Variants in RBFOX2 observed in about 807,000 individuals in gnomAD.
RBFOX2 encodes the protein RNA binding fox-1 homolog 2.
In RBFOX2, 10 loss-of-function variants were observed where a neutral mutation model predicts 49.1. That is an observed-to-expected ratio of 0.20 (90% CI 0.13 to 0.35). The LOEUF is 0.35. RBFOX2 is among the 10% of genes least tolerant of loss of function. The pLI, the probability that RBFOX2 is intolerant of heterozygous loss-of-function variation, is 1.00. For missense variants in RBFOX2, 323 were observed against 486.9 expected (o/e 0.66, Z 3.17); for synonymous variants, 183 against 187.4 (o/e 0.98, Z 0.19).
At chr22:35,826,933 T>TC (rs937849702) in intron 1 of RBFOX2, among the ~76,000 whole-genome samples, 33 of 152,340 alleles carry the variant, frequency 2.2e-4, no homozygotes, top group African/African-American at 7.7e-4. Flanking sequence ...CTATGGTTGA[T>TC]CATGGGTAAT....
upstream of RBFOX2, among the ~76,000 whole-genome samples, chr22:35,963,323 A>G (rs1275788700): frequency 6.6e-6 from 1 of 152,254 alleles, no homozygotes; most frequent in Non-Finnish European, 1.5e-5. Flanking sequence ...CATCTCTGAG[A>G]TATTTGTTTT....
chr22:36,022,204 G>A (rs2059271154), intron 1 of RBFOX2, among the ~76,000 whole-genome samples: 1 of 152,240 alleles, frequency 6.6e-6, no homozygotes, highest in African/African-American at 2.4e-5. Flanking sequence ...CCTGAGAGAT[G>A]TTAAACTAGA....
chr22:35,965,458 GAAT>G (rs1385429139), upstream of RBFOX2, among the ~76,000 whole-genome samples: 1 of 152,140 alleles, frequency 6.6e-6, no homozygotes, highest in Non-Finnish European at 1.5e-5. Context: ...TCCATGATAA[GAAT>G]AATGGCCAAA....
intron 1 of RBFOX2, among the ~76,000 whole-genome samples, chr22:35,865,091 T>C (rs969843582): frequency 2.0e-5 from 3 of 152,220 alleles, no homozygotes; most frequent in Non-Finnish European, 4.4e-5. Flanking sequence ...CATAGAAAGA[T>C]AGATAACTTT....
chr22:35,778,395 A>C (rs535934259), intron 3 of RBFOX2, among the ~76,000 whole-genome samples: 1 of 152,214 alleles, frequency 6.6e-6, no homozygotes, highest in Non-Finnish European at 1.5e-5. Context: ...TCTCAGATTT[A>C]AAAAGCAAAT....
chr22:35,800,303 T>G (rs1437007451), intron 2 of RBFOX2, among the ~76,000 whole-genome samples: 1 of 152,196 alleles, frequency 6.6e-6, no homozygotes, highest in East Asian at 1.9e-4. Context: ...TCACCCTGCA[T>G]ACGCTGTGAC....
In RBFOX2 at chr22:35,746,538, A is replaced by G. The variant is rs1041583739; in HGVS notation, c.911T>C (p.Met304Thr). The change falls in exon 10 of 12, where the codon ATG (methionine) becomes ACG (threonine). Residue 304 changes from methionine to threonine, a missense_variant. By Grantham distance (81) the Met-to-Thr change is moderately conservative. Transcript: ENST00000405409. The stretch of plus-strand genomic sequence containing the variant: ...CTGCGGTTGCAGTAGCAGGCTGTGC[A>G]TATCTGTAGGCTGCATATCCACCCT... 29 of 1,608,094 alleles carry G rather than the reference A, an allele frequency of 1.8e-5. No individual in the cohort carries two copies. In the East Asian group the frequency reaches 5.2e-4, roughly 29 times the overall value.
chr22:36,003,549 A>C (rs2058509234), intron 1 of RBFOX2, among the ~76,000 whole-genome samples: 1 of 152,220 alleles, frequency 6.6e-6, no homozygotes, highest in African/African-American at 2.4e-5. Context: ...CAGATATTGG[A>C]GGTGGTGGTC....
intron 1 of RBFOX2, among the ~76,000 whole-genome samples, chr22:35,880,622 A>T (rs2045757412): frequency 6.6e-6 from 1 of 152,184 alleles, no homozygotes; most frequent in Non-Finnish European, 1.5e-5. Context: ...TCTTTCTTAG[A>T]GGTATTCCAA....
At chr22:35,806,833 C>T (rs932164170) in intron 2 of RBFOX2, among the ~76,000 whole-genome samples, 1 of 152,164 alleles carries the variant, frequency 6.6e-6, no homozygotes, top group African/African-American at 2.4e-5. Context: ...GGGACGGAGT[C>T]TCACTCTGTG....
intron 1 of RBFOX2, chr22:35,993,638 T>C (rs1404551211): frequency 6.6e-6 from 1 of 152,212 alleles, no homozygotes; most frequent in African/African-American, 2.4e-5. Flanking sequence ...TAAGTGTTTG[T>C]TGTTTGAAGC....
At chr22:35,842,357 T>C (rs1025276940), upstream of RBFOX2, among the ~76,000 whole-genome samples, 1 of 152,224 alleles carries the variant, frequency 6.6e-6, no homozygotes, top group Non-Finnish European at 1.5e-5. Context: ...GGCCTGTTCT[T>C]ATTTAACACT....
intron 1 of RBFOX2, among the ~76,000 whole-genome samples, chr22:35,816,296 C>A (rs550343042): frequency 3.0e-4 from 46 of 152,094 alleles, no homozygotes; most frequent in Middle Eastern, 3.4e-3. Flanking sequence ...TAAAGACAAC[C>A]AAGCTATTGA....
At chr22:35,928,866 G>C (rs1463836801) in intron 1 of RBFOX2, among the ~76,000 whole-genome samples, 1 of 152,114 alleles carries the variant, frequency 6.6e-6, no homozygotes, top group Non-Finnish European at 1.5e-5. Flanking sequence ...TTAGGGAAAT[G>C]CAAATTAAAC....
At chr22:35,895,154 C>T (rs111703727) in intron 1 of RBFOX2, among the ~76,000 whole-genome samples, 3,522 of 152,048 alleles carry the variant, frequency 0.023, 147 homozygotes, top group African/African-American at 0.08. Context: ...GTACAGCACA[C>T]TCTCTCTGTA....
rs77817040 is a variant in RBFOX2, at chr22:35,921,840, T to A, written c.-34+17007A>T. Reference sequence around the variant, plus strand: ...GTTCTGTGCCTGTCTGGTAAATTCATCTGGGGCAGAGGGGCAGATTCTGTT... The same window carrying A: ...GTTCTGTGCCTGTCTGGTAAATTCAACTGGGGCAGAGGGGCAGATTCTGTT... On this transcript the variant is annotated intron_variant, in intron 1 of 13. Coordinates refer to the RBFOX2 transcript ENST00000359369. Among the ~76,000 whole-genome samples, 951 of 152,316 alleles carry A rather than the reference T, an allele frequency of 6.2e-3. 6 individuals carry two copies. Among genetic ancestry groups the A allele is most frequent in the African/African-American group, 0.022 (908 of 41,570 alleles).
chr22:35,985,893 TA>T (rs2057688983), intron 1 of RBFOX2, among the ~76,000 whole-genome samples: 2 of 141,176 alleles, frequency 1.4e-5, no homozygotes, highest in East Asian at 2.1e-4. Context: ...GATAGATAGA[TA>T]GATAGATGGA....
At chr22:36,009,548 T>TTTTTTTG (rs1232600331) in intron 1 of RBFOX2, among the ~76,000 whole-genome samples, 7 of 151,964 alleles carry the variant, frequency 4.6e-5, no homozygotes. Context: ...TAAGTTTCGT[T>TTTTTTTG]TTTTTTGTTT....
intron 2 of RBFOX2, among the ~76,000 whole-genome samples, chr22:35,788,644 C>T (rs1946931630): frequency 6.6e-6 from 1 of 152,208 alleles, no homozygotes; most frequent in Non-Finnish European, 1.5e-5. Context: ...TTTAGCCTTG[C>T]TGCTGAGAAA....
Sources: gnomAD v4.1 joint callset for allele counts (sites outside exome capture counted in the v4.1 genomes callset) on GRCh38, gnomAD v4.1.1 for gene constraint, MANE v1.5 for transcripts, NCBI Gene and HGNC (gene_info 2026-07-23, HGNC 2026-07-21) for gene names.